ATP7A: variants seen among roughly 807,000 people sequenced by gnomAD.
ATP7A encodes the protein copper-transporting ATPase 1.
Under a neutral mutation model 83.5 loss-of-function variants are expected in ATP7A, and 7 were observed. The ratio of observed to expected loss-of-function variants is 0.08; its 90% CI spans 0.05 to 0.16. The LOEUF is 0.16. ATP7A is among the 10% of genes least tolerant of loss of function. The probability of loss-of-function intolerance (pLI) is 1.00; values close to 1 mark genes in which losing one functional copy is unlikely to be tolerated. For missense variants in ATP7A, 940 were observed against 1,120.8 expected, an observed-to-expected ratio of 0.84 and a Z score of 2.30; for synonymous variants, 354 against 395.2, an observed-to-expected ratio of 0.90 and a Z score of 1.24.
intron 2 of ATP7A, among the ~76,000 whole-genome samples, chrX:77,973,983 ACT>A (rs1479649750): frequency 3.6e-5 from 4 of 111,359 alleles, no homozygotes; most frequent in Non-Finnish European, 7.5e-5. Context: ...TATAAATGGT[ACT>A]GTTTTTAAAT....
intron 14 of ATP7A, among the ~76,000 whole-genome samples, chrX:78,024,160 A>G (rs984836161): frequency 1.8e-5 from 2 of 111,559 alleles, no homozygotes; most frequent in Non-Finnish European, 3.8e-5. Flanking sequence ...CTACGTGTCT[A>G]TTTTTGTATC....
chrX:77,963,326 A>C (rs1218707673), intron 1 of ATP7A: 1 of 112,962 alleles, frequency 8.9e-6, no homozygotes, highest in Non-Finnish European at 1.9e-5. Flanking sequence ...TCTCTAGGCA[A>C]ATGATTGTCT....
chrX:78,041,116 A>G (rs951229462), intron 19 of ATP7A, among the ~76,000 whole-genome samples: 5 of 110,717 alleles, frequency 4.5e-5, no homozygotes, highest in African/African-American at 1.6e-4. Flanking sequence ...ACCACCACCA[A>G]TGGAACTATT....
intron 1 of ATP7A, chrX:77,969,325 G>A: frequency 3.3e-6 from 4 of 1,211,532 alleles, no homozygotes; most frequent in Non-Finnish European, 3.4e-6. Context: ...ACCATGCTTT[G>A]CAGCAGTTTC....
At chrX:78,039,014 A>G in intron 18 of ATP7A, 32 bp downstream of exon 18, 1 of 1,191,581 alleles carries the variant, frequency 8.4e-7, no homozygotes, top group Non-Finnish European at 1.1e-6. Context: ...CTATAACTCA[A>G]TGTTTTGTTA....
In ATP7A at chrX:77,959,998, A is replaced by G. The variant is rs975239483; in HGVS notation, c.-21-11623A>G. Among the ~76,000 whole-genome samples, 11 of 112,495 alleles carry G rather than the reference A, an allele frequency of 9.8e-5. No individual in the cohort carries two copies. The South Asian group carries it at 4.0e-3, about 41-fold the overall frequency. On this transcript the variant is annotated intron_variant, in intron 1 of 22. Coordinates refer to ENST00000341514, the MANE Select transcript of ATP7A (RefSeq NM_000052.7). ...CCTCACCGACACTTGGTATTGTCAG[A>G]TTTTGAGATTTTTATCTACCTGATG... is the stretch of plus-strand genomic sequence containing the variant.
At chrX:77,974,521 T>C (rs1397170682) in intron 2 of ATP7A, among the ~76,000 whole-genome samples, 1 of 111,271 alleles carries the variant, frequency 9.0e-6, no homozygotes, top group Non-Finnish European at 1.9e-5. Context: ...ATTACAATTT[T>C]GATTGGGAGT....
At chrX:78,023,325 G>A (rs1557236033) in intron 14 of ATP7A, among the ~76,000 whole-genome samples, 1 of 112,317 alleles carries the variant, frequency 8.9e-6, no homozygotes, top group African/African-American at 3.2e-5. Context: ...CCAGTAGTGG[G>A]ATTGCTGGGT....
At chrX:77,958,729 G>T (rs1011644705) in intron 1 of ATP7A, among the ~76,000 whole-genome samples, 1 of 109,413 alleles carries the variant, frequency 9.1e-6, no homozygotes, top group Non-Finnish European at 1.9e-5. Flanking sequence ...CCATGAACAT[G>T]GGATAGCTTT....
chrX:77,926,435 A>T (rs1360211464), intron 1 of ATP7A, among the ~76,000 whole-genome samples: 2 of 110,811 alleles, frequency 1.8e-5, no homozygotes, highest in Admixed American at 1.9e-4. Context: ...GGTTCAAATG[A>T]TTCTCCTGCC....
chrX:77,995,868 C>G (rs1216841558), intron 4 of ATP7A, among the ~76,000 whole-genome samples: 1 of 110,824 alleles, frequency 9.0e-6, no homozygotes, highest in Non-Finnish European at 1.9e-5. Flanking sequence ...CTCAGCCTCC[C>G]AAGTAGCTGG....
intron 1 of ATP7A, among the ~76,000 whole-genome samples, chrX:77,947,627 C>T (rs1473653029): frequency 3.7e-5 from 4 of 107,804 alleles, no homozygotes; most frequent in Admixed American, 1.0e-4. Context: ...TTAGTAGAGA[C>T]GGGTTTCGCC....
intron 4 of ATP7A, among the ~76,000 whole-genome samples, chrX:77,993,396 C>A (rs2077681213): frequency 8.9e-6 from 1 of 111,913 alleles, no homozygotes; most frequent in Non-Finnish European, 1.9e-5. Flanking sequence ...CCCAGTAAAT[C>A]AAATTCTACA....
intron 1 of ATP7A, among the ~76,000 whole-genome samples, chrX:77,955,371 C>A (rs2077435194): frequency 9.0e-6 from 1 of 111,245 alleles, no homozygotes; most frequent in African/African-American, 3.3e-5. Context: ...TTGTCATTTG[C>A]ATTTTTCTTA....
At chrX:78,030,407 G>C (rs782452549) in intron 15 of ATP7A, among the ~76,000 whole-genome samples, 20 of 104,820 alleles carry the variant, frequency 1.9e-4, no homozygotes, top group African/African-American at 6.2e-4. Flanking sequence ...GGGCGACTGA[G>C]CAAGACTCCA....
intron 1 of ATP7A, chrX:77,965,392 A>T (rs953218601): frequency 6.2e-5 from 20 of 321,256 alleles, no homozygotes; most frequent in Non-Finnish European, 1.1e-4. Flanking sequence ...AGATATACAA[A>T]TACCCAATAA....
At chrX:77,931,000 T>C (rs1215916402) in intron 1 of ATP7A, among the ~76,000 whole-genome samples, 1 of 16,255 alleles carries the variant, frequency 6.2e-5, no homozygotes, top group Non-Finnish European at 1.1e-4. Flanking sequence ...TTTTTTTTTT[T>C]TTTTTTACCT....
chrX:77,929,989 A>G, intron 1 of ATP7A, among the ~76,000 whole-genome samples: 1 of 112,298 alleles, frequency 8.9e-6, no homozygotes, highest in African/African-American at 3.2e-5. Flanking sequence ...TGCAAGGAAA[A>G]GAAAACAGGA....
intron 1 of ATP7A, among the ~76,000 whole-genome samples, chrX:77,932,777 C>T (rs1299958951): frequency 8.9e-6 from 1 of 112,574 alleles, no homozygotes; most frequent in Non-Finnish European, 1.9e-5. Flanking sequence ...TGGCAGCGCG[C>T]GCCTGCAATC....
Sources: gnomAD v4.1 joint callset for allele counts (sites outside exome capture counted in the v4.1 genomes callset) on GRCh38, gnomAD v4.1.1 for gene constraint, MANE v1.5 for transcripts, NCBI Gene and HGNC (gene_info 2026-07-23, HGNC 2026-07-21) for gene names.